The following MYOM2 variants were observed in gnomAD, a reference collection of about 807,000 sequenced individuals.
MYOM2 encodes the protein myomesin-2.
A neutral mutation model predicts 187.6 loss-of-function variants in MYOM2; 254 were observed. The observed-to-expected ratio is 1.35, with a 90% CI of 1.22 to 1.50. The LOEUF (loss-of-function observed/expected upper bound fraction) is 1.50, where lower values mean the gene tolerates loss of function less well. MYOM2 is among the 40% of genes most tolerant of loss of function. MYOM2 has a pLI of 0.00. For synonymous variants in MYOM2, 981 were observed against 753.8 expected, an observed-to-expected ratio of 1.30 and a Z score of -4.94; for missense variants, 2,796 against 1,924.0, an observed-to-expected ratio of 1.45 and a Z score of -8.48.
intron 1 of MYOM2, among the ~76,000 whole-genome samples, chr8:2,049,486 C>T (rs768003762): frequency 7.9e-5 from 12 of 152,162 alleles, no homozygotes; most frequent in Non-Finnish European, 1.3e-4. Context: ...TTTTCTAGCA[C>T]GTACCCTGGA....
chr8:2,067,008 C>T (rs150198513), intron 6 of MYOM2, among the ~76,000 whole-genome samples: 10 of 152,300 alleles, frequency 6.6e-5, no homozygotes, highest in African/African-American at 2.4e-4. Flanking sequence ...GGTGTGTGAT[C>T]TGTCCCTTGA....
Position 2,145,282 on chromosome 8 carries a change from G to C in MYOM2, c.*301G>C, listed in dbSNP as rs892615315. ...AATTTTCACGGGTGTGGGCACATGG[G>C]TGTGGCACCTGGACGTGTGCAGCAT... On this transcript the variant is annotated 3_prime_UTR_variant, in exon 37 of 37. Transcript: ENST00000262113. 1 of 507,802 alleles carries C rather than the reference G, an allele frequency of 2.0e-6. No homozygotes were observed. The highest frequency in any genetic ancestry group is 3.5e-6 in the Non-Finnish European group (1 of 289,010). The allele number at this position is 507,802 out of a possible 1,614,324, so 31.5% of individuals were successfully genotyped here.
At chr8:2,056,469 G>A (rs1360788346) in intron 3 of MYOM2, among the ~76,000 whole-genome samples, 2 of 151,300 alleles carry the variant, frequency 1.3e-5, no homozygotes, top group African/African-American at 2.5e-5. Flanking sequence ...GTGTTGGGGT[G>A]CGATTTGTGG....
chr8:2,142,144 T>C (rs897476799), intron 34 of MYOM2, among the ~76,000 whole-genome samples: 1 of 152,120 alleles, frequency 6.6e-6, no homozygotes, highest in Admixed American at 6.5e-5. Flanking sequence ...TTTTAGCATC[T>C]GGATAATAGG....
chr8:2,125,553 T>C (rs1797605243), intron 31 of MYOM2, among the ~76,000 whole-genome samples: 1 of 152,010 alleles, frequency 6.6e-6, no homozygotes, highest in African/African-American at 2.4e-5. Context: ...AAGGATTGTT[T>C]AGGCTATTAG....
At chr8:2,097,823 C>T (rs558646464) in intron 18 of MYOM2, among the ~76,000 whole-genome samples, 2 of 152,324 alleles carry the variant, frequency 1.3e-5, no homozygotes, top group East Asian at 1.9e-4. Context: ...AGCCTAAAAT[C>T]TATTTAAAAA....
chr8:2,100,129 T>TTTCC (rs71211554), intron 19 of MYOM2, among the ~76,000 whole-genome samples: 6,217 of 44,836 alleles, frequency 0.14, 523 homozygotes, highest in Admixed American at 0.18. Context: ...TCCTTCCTTC[T>TTTCC]TTCCTTCCTT....
chr8:2,083,189 T>G (rs1007527558), intron 13 of MYOM2, among the ~76,000 whole-genome samples: 2 of 152,248 alleles, frequency 1.3e-5, no homozygotes, highest in African/African-American at 4.8e-5. Flanking sequence ...TGTGTTTATA[T>G]ATCTCTCACT....
Position 2,098,891 on chromosome 8 carries a change from T to A in MYOM2, c.2348T>A (p.Phe783Tyr), listed in dbSNP as rs1267650827. The change falls in exon 19 of 37, where the codon TTC becomes TAC. Residue 783 changes from phenylalanine to tyrosine, a missense_variant. Coordinates refer to ENST00000262113, the MANE Select transcript of MYOM2 (RefSeq NM_003970.4). Reference protein sequence around the residue: ...DGLTEGSLYEFKIAAVNLAGI... With the variant: ...DGLTEGSLYEYKIAAVNLAGI... ...TTGACGGAAGGCTCACTCTACGAGT[T>A]CAAAATCGCCGCCGTCAACCTGGCC... 6.2e-7 allele frequency: 1 copy of A among 1,613,278 alleles called. No homozygotes were observed. Among genetic ancestry groups the A allele is most frequent in the Admixed American group, 1.7e-5 (1 of 59,926 alleles).
intron 25 of MYOM2, among the ~76,000 whole-genome samples, chr8:2,111,040 A>C (rs549445803): frequency 6.6e-6 from 1 of 152,230 alleles, no homozygotes; most frequent in Non-Finnish European, 1.5e-5. Context: ...TAATTGGAGA[A>C]ATCTTCTTTG....
chr8:2,132,095 A>C (rs1797894401), intron 32 of MYOM2, among the ~76,000 whole-genome samples: 1 of 152,252 alleles, frequency 6.6e-6, no homozygotes, highest in South Asian at 2.1e-4. Context: ...TTAGATAGCA[A>C]CTGGAAAAAA....
intron 18 of MYOM2, chr8:2,098,164 C>T (rs565813761): frequency 6.6e-6 from 1 of 152,394 alleles, no homozygotes; most frequent in South Asian, 2.1e-4. Flanking sequence ...GGAGGATAAA[C>T]TGAAGCCGTT....
chr8:2,132,660 C>T (rs1797916538), intron 32 of MYOM2, among the ~76,000 whole-genome samples: 1 of 152,154 alleles, frequency 6.6e-6, no homozygotes, highest in African/African-American at 2.4e-5. Context: ...CATTCTAGCT[C>T]ACTGTAGCCC....
Position 2,145,331 on chromosome 8 carries a change from G to A in MYOM2, c.*350G>A, listed in dbSNP as rs1053406808. The A allele has an allele frequency of 5.6e-6, 2 of 353,988 alleles. No individual in the cohort carries two copies. Among genetic ancestry groups the A allele is most frequent in the Non-Finnish European group, 5.0e-6 (1 of 198,092 alleles). The allele number at this position is 353,988 out of a possible 1,614,324, so 21.9% of individuals were successfully genotyped here. On this transcript the variant is annotated 3_prime_UTR_variant, in exon 37 of 37. Transcript: ENST00000262113. ...ATGTGGCGGTCTGTGTGAAGCCACC[G>A]TGCTTCTCTTTGGGGGGCCGCGAGA...
chr8:2,071,866 G>A (rs1244380385), intron 8 of MYOM2, among the ~76,000 whole-genome samples: 1 of 152,132 alleles, frequency 6.6e-6, no homozygotes, highest in African/African-American at 2.4e-5. Context: ...AAGGAAGGAA[G>A]GTCTGGCCTC....
rs369056093 is a variant in MYOM2, at chr8:2,079,498, G to A, written c.1463-62G>A. Reference sequence around the variant, plus strand: ...GATGCAGAGCTGGCACAGAATGAGGGAAAACGGGCTTTTGGGGAAAACTTC... The same window carrying A: ...GATGCAGAGCTGGCACAGAATGAGGAAAAACGGGCTTTTGGGGAAAACTTC... On this transcript the variant is annotated intron_variant, in intron 12 of 36. Coordinates refer to ENST00000262113, the MANE Select transcript of MYOM2 (RefSeq NM_003970.4). 1.0e-3 allele frequency: 1,609 copies of A among 1,548,704 alleles called. 27 individuals are homozygous for A. The South Asian group carries it at 0.017, about 17-fold the overall frequency.
Position 2,144,717 on chromosome 8 carries a change from G to C in MYOM2, c.4134G>C (p.Trp1378Cys). 1 of 1,613,926 alleles carries C rather than the reference G, an allele frequency of 6.2e-7. No homozygotes were observed. Among genetic ancestry groups the C allele is most frequent in the Non-Finnish European group, 8.5e-7 (1 of 1,180,004 alleles). ...VFGNPDPEVI[W>C]FKNDQDIQLS... ...GAAACCCTGACCCCGAAGTGATTTGGTTCAAGAACGACCAGGACATCCAGC... is the reference window on the plus strand; with the variant it reads ...GAAACCCTGACCCCGAAGTGATTTGCTTCAAGAACGACCAGGACATCCAGC... Residue 1378 changes from tryptophan to cysteine, a missense_variant, in exon 37 of 37, where the codon TGG becomes TGC. Physicochemically the swap from Trp to Cys is radical, Grantham distance 215 (BLOSUM62 -2). Coordinates refer to ENST00000262113, the MANE Select transcript of MYOM2 (RefSeq NM_003970.4).
At chr8:2,059,346 G>A (rs1373386962) in intron 6 of MYOM2, 101 bp downstream of exon 6, 2 of 947,296 alleles carry the variant, frequency 2.1e-6, no homozygotes, top group African/African-American at 3.3e-5. Context: ...AATCACACCT[G>A]TCTGTTTGCA....
chr8:2,120,906 G>A (rs1167591234), intron 28 of MYOM2, among the ~76,000 whole-genome samples: 1 of 150,976 alleles, frequency 6.6e-6, no homozygotes, highest in African/African-American at 2.4e-5. Context: ...AAAATACTTA[G>A]ATTTATTTTT....
Sources: allele counts gnomAD v4.1 joint callset (sites outside exome capture counted in the v4.1 genomes callset), GRCh38; gene constraint gnomAD v4.1.1; transcripts MANE v1.5; gene names NCBI Gene and HGNC (gene_info 2026-07-23, HGNC 2026-07-21).